Variants in MAP4K5 observed in about 807,000 individuals in gnomAD.
The protein encoded by MAP4K5 is MAPK/ERK kinase kinase kinase 5.
Under a neutral mutation model 135.6 loss-of-function variants are expected in MAP4K5, and 82 were observed. The ratio of observed to expected loss-of-function variants is 0.60; its 90% CI spans 0.51 to 0.73. The LOEUF is 0.73. Among genes scored for constraint, MAP4K5 ranks in the 30% least tolerant of loss-of-function variants. MAP4K5 has a pLI of 0.00. For synonymous variants in MAP4K5, 347 were observed against 335.0 expected, an observed-to-expected ratio of 1.04 and a Z score of -0.39; for missense variants, 907 against 1,010.9, an observed-to-expected ratio of 0.90 and a Z score of 1.39.
chr14:50,423,481 T>C (rs1239689091), intron 31 of MAP4K5, among the ~76,000 whole-genome samples: 1 of 151,926 alleles, frequency 6.6e-6, no homozygotes, highest in Non-Finnish European at 1.5e-5. Flanking sequence ...TTCAATCTCA[T>C]AGAATGGGTA....
chr14:50,552,123 A>T (rs978853585), intron 1 of MAP4K5, among the ~76,000 whole-genome samples: 1 of 152,180 alleles, frequency 6.6e-6, no homozygotes, highest in African/African-American at 2.4e-5. Flanking sequence ...CTAAAGACTC[A>T]TCCAAAAATC....
At chr14:50,496,851 C>A (rs1179628326) in intron 3 of MAP4K5, among the ~76,000 whole-genome samples, 5 of 150,680 alleles carry the variant, frequency 3.3e-5, no homozygotes, top group Non-Finnish European at 1.5e-5. Flanking sequence ...AAAATAAAAA[C>A]TTTTAAAACA....
chr14:50,473,925 C>T (rs1218844996), intron 9 of MAP4K5, among the ~76,000 whole-genome samples: 1 of 151,844 alleles, frequency 6.6e-6, no homozygotes, highest in Non-Finnish European at 1.5e-5. Context: ...GGGGTTTCAC[C>T]GTGTTAGCCA....
At chr14:50,558,627 G>A (rs571789138) in intron 1 of MAP4K5, among the ~76,000 whole-genome samples, 7 of 152,234 alleles carry the variant, frequency 4.6e-5, no homozygotes, top group Non-Finnish European at 1.0e-4. Context: ...TTGGGCATAG[G>A]TGTTGAATTA....
At chr14:50,431,302 T>C (rs1375207241) in intron 28 of MAP4K5, among the ~76,000 whole-genome samples, 1 of 152,214 alleles carries the variant, frequency 6.6e-6, no homozygotes, top group African/African-American at 2.4e-5. Context: ...GTGCACAATG[T>C]GCAGGTTAGT....
Position 50,509,185 on chromosome 14 carries a change from G to A in MAP4K5, c.109-4328C>T, listed in dbSNP as rs189176652. Reference sequence around the variant, plus strand: ...CTCATAGGTGGGAATTGAACAACAAGAACACTTGGACACAGGGCAGGGAAC... The same window carrying A: ...CTCATAGGTGGGAATTGAACAACAAAAACACTTGGACACAGGGCAGGGAAC... On this transcript the variant is annotated intron_variant, in intron 2 of 32. Coordinates refer to ENST00000682126, the MANE Select transcript of MAP4K5 (RefSeq NM_006575.6). 9.8e-5 allele frequency among the ~76,000 whole-genome samples: 14 copies of A among 142,674 alleles called. No homozygotes were observed. The East Asian group carries it at 3.2e-3, about 32-fold the overall frequency. The allele number at this position is 142,674 out of a possible 152,430, so 93.6% of individuals were successfully genotyped here. A position where few individuals can be genotyped will look rare whatever the true frequency, so the allele number is the denominator to read the frequency against.
At chr14:50,550,660 T>G (rs1204803072) in intron 1 of MAP4K5, among the ~76,000 whole-genome samples, 1 of 152,082 alleles carries the variant, frequency 6.6e-6, no homozygotes, top group African/African-American at 2.4e-5. Flanking sequence ...ACAAAACAAG[T>G]CTCAATAAAC....
intron 2 of MAP4K5, among the ~76,000 whole-genome samples, chr14:50,537,794 A>AT (rs1409170372): frequency 6.6e-6 from 1 of 152,200 alleles, no homozygotes; most frequent in Non-Finnish European, 1.5e-5. Context: ...CATTTCTCCC[A>AT]TTTTGAATGG....
intron 13 of MAP4K5, among the ~76,000 whole-genome samples, chr14:50,457,151 G>T (rs1173406865): frequency 1.3e-5 from 2 of 152,152 alleles, no homozygotes; most frequent in Admixed American, 1.3e-4. Flanking sequence ...TGAAGATTAG[G>T]TGATGAGATG....
chr14:50,523,765 C>T (rs188096517), intron 2 of MAP4K5, among the ~76,000 whole-genome samples: 15 of 152,260 alleles, frequency 9.9e-5, no homozygotes, highest in South Asian at 6.2e-4. Flanking sequence ...AATCTTTGTC[C>T]GCTTTGTTCA....
At chr14:50,445,562 C>T (rs184632510) in intron 17 of MAP4K5, among the ~76,000 whole-genome samples, 7 of 151,922 alleles carry the variant, frequency 4.6e-5, no homozygotes, top group African/African-American at 1.5e-4. Context: ...CCTGTTTTTG[C>T]CTTTTTCTTT....
At chr14:50,443,659 G>T in intron 20 of MAP4K5, 70 bp downstream of exon 20, 4 of 1,290,420 alleles carry the variant, frequency 3.1e-6, no homozygotes, top group Non-Finnish European at 4.2e-6. Flanking sequence ...CAAGTATATT[G>T]ATAGCCAATA....
chr14:50,554,873 T>C (rs561608724), intron 1 of MAP4K5, among the ~76,000 whole-genome samples: 24 of 152,302 alleles, frequency 1.6e-4, no homozygotes, highest in African/African-American at 5.3e-4. Flanking sequence ...GAGAACATTT[T>C]TCTATACAGT....
intron 8 of MAP4K5, 25 bp downstream of exon 8, chr14:50,476,103 A>C (rs2037091606): frequency 1.5e-6 from 2 of 1,378,266 alleles, no homozygotes; most frequent in African/African-American, 3.0e-5. Context: ...TTTGGAAAAA[A>C]TTTTAGGAAT....
chr14:50,490,074 T>G (rs572827751), intron 3 of MAP4K5, among the ~76,000 whole-genome samples: 110 of 146,812 alleles, frequency 7.5e-4, no homozygotes, highest in African/African-American at 1.8e-3. Flanking sequence ...TATGCATGGG[T>G]GTGTGTGTGT....
At chr14:50,531,905 T>C (rs1453695198) in intron 2 of MAP4K5, 37 bp downstream of exon 2, 21 of 1,408,810 alleles carry the variant, frequency 1.5e-5, no homozygotes, top group Non-Finnish European at 2.0e-5. Context: ...CGGGACCCAG[T>C]CGACCGCAGG....
At position 50,419,002 on chromosome 14, in the gene MAP4K5, A is replaced by C. The variant is rs1454544457; in HGVS notation, c.*1017T>G. 1 of 152,168 alleles carries C rather than the reference A, an allele frequency of 6.6e-6. No homozygotes were observed. The highest frequency in any genetic ancestry group is 2.4e-5 in the African/African-American group (1 of 41,444). 9.4% of individuals were successfully genotyped at this position (152,168 alleles called of 1,614,324 possible). ...TTTTTTTCTTCTTCAACCTACTCAA[A>C]ATGAATACCTACATATGTGAAAAAC... On this transcript the variant is annotated 3_prime_UTR_variant, in exon 33 of 33. Transcript: ENST00000682126.
At chr14:50,537,364 A>C (rs2038507306), upstream of MAP4K5, among the ~76,000 whole-genome samples, 1 of 152,246 alleles carries the variant, frequency 6.6e-6, no homozygotes, top group Non-Finnish European at 1.5e-5. Context: ...ATGTCCAGGC[A>C]GAAGTTTTCT....
intron 2 of MAP4K5, among the ~76,000 whole-genome samples, chr14:50,531,004 A>G (rs1203863984): frequency 2.0e-5 from 3 of 152,252 alleles, no homozygotes; most frequent in African/African-American, 7.2e-5. Flanking sequence ...GTTTGGCACA[A>G]TGCGATATAT....
Sources: allele counts gnomAD v4.1 joint callset (sites outside exome capture counted in the v4.1 genomes callset), GRCh38; gene constraint gnomAD v4.1.1; transcripts MANE v1.5; gene names NCBI Gene and HGNC (gene_info 2026-07-23, HGNC 2026-07-21).